RAB31: variants seen among roughly 807,000 people sequenced by gnomAD.
RAB31 encodes RAB31, member RAS oncogene family.
RAB31 carries 21 observed loss-of-function variants against 25.6 expected under a neutral mutation model. The ratio of observed to expected loss-of-function variants is 0.82; its 90% CI spans 0.58 to 1.18. The LOEUF (loss-of-function observed/expected upper bound fraction) is 1.18, where lower values mean the gene tolerates loss of function less well. RAB31 is among the 50% of genes most tolerant of loss of function. The pLI is 0.00. For missense variants in RAB31, 196 were observed against 250.1 expected (o/e 0.78, Z 1.46); for synonymous variants, 87 against 84.0 (o/e 1.04, Z -0.20).
At position 9,772,879 on chromosome 18, in the gene RAB31, G is replaced by A. The variant is rs568701231; in HGVS notation, c.40-2399G>A. Among the ~76,000 whole-genome samples the A allele has an allele frequency of 5.3e-5, 8 of 152,268 alleles. No homozygotes were observed. In the East Asian group the frequency reaches 1.4e-3, roughly 26 times the overall value. ...CTGGCAAGGATTTGCTCCTCCACAGGGGGTCTTAAGAACAACTGAGATGAA... is the reference window on the plus strand; with the variant it reads ...CTGGCAAGGATTTGCTCCTCCACAGAGGGTCTTAAGAACAACTGAGATGAA... On this transcript the variant is annotated intron_variant, in intron 1 of 6. Transcript: ENST00000578921.
rs769209447 is a variant in RAB31, at chr18:9,708,457, C to T, written c.39+13C>T. 3 of 1,556,674 alleles carry T rather than the reference C, an allele frequency of 1.9e-6. No homozygotes were observed. The highest frequency in any genetic ancestry group is 2.6e-5 in the East Asian group (1 of 38,502). ...GTGCCTTCTCGGGGTGAGTCCTGGC[C>T]GCCACCCGCCGGCGGACCCCGGCCC... is the stretch of plus-strand genomic sequence containing the variant. On this transcript the variant is annotated intron_variant, in intron 1 of 6. Coordinates refer to ENST00000578921, the MANE Select transcript of RAB31 (RefSeq NM_006868.4). The surrounding 1 kb of genome is among the most constrained non-coding windows in gnomAD (Gnocchi z 6.4).
intron 5 of RAB31, among the ~76,000 whole-genome samples, chr18:9,826,021 G>A (rs1165412977): frequency 7.2e-5 from 11 of 152,024 alleles, no homozygotes; most frequent in African/African-American, 2.4e-4. Flanking sequence ...CCAAACCTCA[G>A]TGTCACCCCG....
chr18:9,745,375 G>A (rs8087451), intron 1 of RAB31, among the ~76,000 whole-genome samples: 26,234 of 152,160 alleles, frequency 0.17, 2,733 homozygotes, highest in Non-Finnish European at 0.24. Flanking sequence ...ATTTAAAGAA[G>A]CATAACATCA....
intron 1 of RAB31, among the ~76,000 whole-genome samples, chr18:9,774,026 TTG>T (rs149753944): frequency 6.0e-5 from 9 of 150,546 alleles, no homozygotes; most frequent in Non-Finnish European, 7.4e-5. Flanking sequence ...TCCTGCTGTT[TTG>T]TGTGTGTGTG....
At chr18:9,742,878 T>C (rs2068186942) in intron 1 of RAB31, among the ~76,000 whole-genome samples, 1 of 152,212 alleles carries the variant, frequency 6.6e-6, no homozygotes, top group Non-Finnish European at 1.5e-5. Context: ...CTCTTTTTCC[T>C]TCTTCTTTTC....
intron 3 of RAB31, among the ~76,000 whole-genome samples, chr18:9,803,724 T>G (rs913424555): frequency 6.6e-6 from 1 of 152,162 alleles, no homozygotes; most frequent in Non-Finnish European, 1.5e-5. Context: ...CATTGATATT[T>G]GAAAATTGGT....
At chr18:9,775,710 C>G (rs961252627) in intron 2 of RAB31, among the ~76,000 whole-genome samples, 15 of 152,168 alleles carry the variant, frequency 9.9e-5, no homozygotes, top group Admixed American at 7.9e-4. Flanking sequence ...GCTAATAAAC[C>G]CTGAAAATGC....
chr18:9,807,573 A>G (rs575513702), intron 3 of RAB31, among the ~76,000 whole-genome samples: 2 of 152,264 alleles, frequency 1.3e-5, no homozygotes, highest in East Asian at 3.9e-4. Context: ...GGACGATTTC[A>G]TGGGTGGGAA....
chr18:9,762,849 T>C (rs2068296258), intron 1 of RAB31, among the ~76,000 whole-genome samples: 1 of 152,054 alleles, frequency 6.6e-6, no homozygotes, highest in Admixed American at 6.6e-5. Flanking sequence ...GGCACTTTGG[T>C]TTTTTGCTCC....
intron 2 of RAB31, among the ~76,000 whole-genome samples, chr18:9,776,737 A>T (rs1424965743): frequency 1.3e-5 from 2 of 152,142 alleles, no homozygotes; most frequent in Non-Finnish European, 2.9e-5. Context: ...GACACCTCAC[A>T]TGCAGGGGGC....
At position 9,734,246 on chromosome 18, in the gene RAB31, G is replaced by A. The variant is rs11877450; in HGVS notation, c.39+25802G>A. On this transcript the variant is annotated intron_variant, in intron 1 of 6. Transcript: ENST00000578921. ...CTGCACTGTCACAGCCCTGTGAGGT[G>A]TTGCTCTTCCTGTCACTATTGTGCA... Among the ~76,000 whole-genome samples, 344 of 152,264 alleles carry A rather than the reference G, an allele frequency of 2.3e-3. 1 individual carries two copies. The highest frequency in any genetic ancestry group is 8.0e-3 in the African/African-American group (334 of 41,560).
At chr18:9,718,098 C>T (rs2068053506) in intron 1 of RAB31, among the ~76,000 whole-genome samples, 1 of 151,920 alleles carries the variant, frequency 6.6e-6, no homozygotes, top group South Asian at 2.1e-4. Flanking sequence ...GGGCTTGCCA[C>T]GTTGCCCAGG....
intron 5 of RAB31, among the ~76,000 whole-genome samples, chr18:9,842,024 T>A (rs77099080): frequency 0.052 from 7,908 of 152,130 alleles, 220 homozygotes; most frequent in East Asian, 0.091. Context: ...TCCTATAATA[T>A]TAATTTGACA....
intron 1 of RAB31, among the ~76,000 whole-genome samples, chr18:9,756,287 C>T (rs189494275): frequency 1.9e-4 from 29 of 152,268 alleles, no homozygotes; most frequent in African/African-American, 5.5e-4. Context: ...GAGTCAAAAA[C>T]CATTATTATT....
rs184082467 is a variant in RAB31, at chr18:9,861,999, G to A, written c.*2674G>A. 1.0e-3 allele frequency: 152 copies of A among 152,732 alleles called. No homozygotes were observed. The highest frequency in any genetic ancestry group is 3.6e-3 in the African/African-American group (149 of 41,546). 9.5% of individuals were successfully genotyped at this position (152,732 alleles called of 1,614,324 possible). Reference sequence around the variant, plus strand: ...GGCACATTAGGCAGTTGAATATGACGTTACCTTGCAGACTAAAAGGTTGAA... The same window carrying A: ...GGCACATTAGGCAGTTGAATATGACATTACCTTGCAGACTAAAAGGTTGAA... On this transcript the variant is annotated 3_prime_UTR_variant, in exon 7 of 7. Transcript: ENST00000578921.
At chr18:9,741,131 T>A (rs1331474705) in intron 1 of RAB31, among the ~76,000 whole-genome samples, 1 of 151,920 alleles carries the variant, frequency 6.6e-6, no homozygotes, top group Non-Finnish European at 1.5e-5. Flanking sequence ...ATCCCAGCAC[T>A]TTGGAAGGCC....
intron 1 of RAB31, among the ~76,000 whole-genome samples, chr18:9,764,227 C>T (rs567938298): frequency 2.6e-5 from 4 of 152,328 alleles, no homozygotes; most frequent in Admixed American, 2.6e-4. Flanking sequence ...ACCCTAACCT[C>T]CTGCCTTTGA....
intron 1 of RAB31, among the ~76,000 whole-genome samples, chr18:9,714,270 G>A (rs924189168): frequency 9.2e-5 from 14 of 152,208 alleles, no homozygotes; most frequent in African/African-American, 2.9e-4. Flanking sequence ...GGAGGCGGGG[G>A]ATGGTTTTAG....
At chr18:9,731,214 G>A (rs150533277) in intron 1 of RAB31, among the ~76,000 whole-genome samples, 1 of 152,238 alleles carries the variant, frequency 6.6e-6, no homozygotes, top group African/African-American at 2.4e-5. Context: ...CGAGTAGTTG[G>A]GACTACAGAT....
Sources: allele counts gnomAD v4.1 joint callset (sites outside exome capture counted in the v4.1 genomes callset), GRCh38; gene constraint gnomAD v4.1.1; non-coding constraint Gnocchi (gnomAD v3.1); transcripts MANE v1.5; gene names NCBI Gene and HGNC (gene_info 2026-07-23, HGNC 2026-07-21).